RANBP2: variants seen among roughly 807,000 people sequenced by gnomAD.
RANBP2 encodes the protein RAN binding protein 2.
A neutral mutation model predicts 303.6 loss-of-function variants in RANBP2; 57 were observed. The observed-to-expected ratio is 0.19, with a 90% confidence interval of 0.15 to 0.23. RANBP2 has a LOEUF of 0.23. Ranked by LOEUF, RANBP2 falls within the 10% of genes least tolerant of loss-of-function variation. RANBP2 has a pLI of 1.00. For synonymous variants in RANBP2, 1,167 were observed against 1,301.5 expected, an observed-to-expected ratio of 0.90 and a Z score of 2.23; for missense variants, 3,138 against 3,780.8, an observed-to-expected ratio of 0.83 and a Z score of 4.46.
the RANBP2 span, among the ~76,000 whole-genome samples, chr2:109,373,661 G>A: frequency 6.6e-6 from 1 of 152,148 alleles, no homozygotes; most frequent in South Asian, 2.1e-4. Context: ...ACTGGAAGAG[G>A]TAAGGAGGTT....
chr2:109,729,463 A>G, the RANBP2 span, among the ~76,000 whole-genome samples: 334 of 152,282 alleles, frequency 2.2e-3, 9 homozygotes, highest in South Asian at 0.036. Flanking sequence ...CCTGGCCAAC[A>G]TGGCGAAACC....
At chr2:109,335,943 T>C in the RANBP2 span, among the ~76,000 whole-genome samples, 96 of 152,290 alleles carry the variant, frequency 6.3e-4, no homozygotes, top group Middle Eastern at 3.4e-3. Flanking sequence ...ACTTGGGGGC[T>C]GGGAGTGGGA....
the RANBP2 span, among the ~76,000 whole-genome samples, chr2:109,036,560 C>T: frequency 6.6e-6 from 1 of 152,132 alleles, no homozygotes; most frequent in Non-Finnish European, 1.5e-5. Flanking sequence ...ATGTAATTTA[C>T]TCTGTTAACC....
chr2:109,384,841 C>T, the RANBP2 span, among the ~76,000 whole-genome samples: 6 of 152,198 alleles, frequency 3.9e-5, no homozygotes, highest in East Asian at 1.9e-4. Context: ...AACTCCAACC[C>T]GATGGTTCCC....
chr2:109,676,830 G>A, the RANBP2 span, among the ~76,000 whole-genome samples: 1 of 152,206 alleles, frequency 6.6e-6, no homozygotes, highest in African/African-American at 2.4e-5. Context: ...CTTCTTGAGA[G>A]AGGGTAATGG....
the RANBP2 span, among the ~76,000 whole-genome samples, chr2:109,006,351 G>A: frequency 1.3e-5 from 2 of 151,890 alleles, no homozygotes; most frequent in Non-Finnish European, 2.9e-5. Context: ...TTGCCAACAC[G>A]CTTGGCTAAT....
the RANBP2 span, chr2:109,552,924 C>T: frequency 1.3e-6 from 1 of 754,770 alleles, no homozygotes; most frequent in Non-Finnish European, 2.1e-6. Context: ...TAATTTCAGG[C>T]TATGATTCTA....
chr2:109,581,424 G>A, the RANBP2 span, among the ~76,000 whole-genome samples: 11 of 150,690 alleles, frequency 7.3e-5, no homozygotes, highest in Admixed American at 7.3e-4. Flanking sequence ...GCGACAGAGT[G>A]AGACCCTGTC....
At chr2:108,757,090 C>T (rs925592990) in intron 17 of RANBP2, among the ~76,000 whole-genome samples, 1 of 152,102 alleles carries the variant, frequency 6.6e-6, no homozygotes, top group African/African-American at 2.4e-5. Context: ...TAGATCTGTC[C>T]CTGACCTCAC....
At chr2:109,057,721 G>T in the RANBP2 span, among the ~76,000 whole-genome samples, 9 of 152,196 alleles carry the variant, frequency 5.9e-5, no homozygotes, top group Admixed American at 2.0e-4. Flanking sequence ...AGGCTGAGGG[G>T]CCTGGCTCTG....
At chr2:109,263,521 G>GA in the RANBP2 span, among the ~76,000 whole-genome samples, 1 of 152,210 alleles carries the variant, frequency 6.6e-6, no homozygotes, top group African/African-American at 2.4e-5. Context: ...TGCATACATA[G>GA]AAAGATTGAT....
chr2:108,724,338 T>C (rs1484589869), intron 1 of RANBP2, among the ~76,000 whole-genome samples: 1 of 152,200 alleles, frequency 6.6e-6, no homozygotes, highest in Non-Finnish European at 1.5e-5. Flanking sequence ...ATTTTTTCTA[T>C]TTTTAGTAGA....
the RANBP2 span, among the ~76,000 whole-genome samples, chr2:109,000,084 T>C: frequency 1.8e-4 from 28 of 152,338 alleles, no homozygotes; most frequent in South Asian, 5.8e-3. Context: ...GCAACGTATC[T>C]GCAGGGCAAG....
chr2:108,807,781 C>G, the RANBP2 span, among the ~76,000 whole-genome samples: 1 of 152,076 alleles, frequency 6.6e-6, no homozygotes, highest in African/African-American at 2.4e-5. Context: ...CCACACCTGG[C>G]TAATTTTTGT....
At chr2:108,833,669 G>A in the RANBP2 span, among the ~76,000 whole-genome samples, 2 of 150,832 alleles carry the variant, frequency 1.3e-5, no homozygotes, top group East Asian at 1.9e-4. Context: ...AATAAGAAAC[G>A]AAACAAATTT....
At chr2:108,781,759 G>T (rs1678271542) in intron 26 of RANBP2, among the ~76,000 whole-genome samples, 1 of 152,062 alleles carries the variant, frequency 6.6e-6, no homozygotes, top group Non-Finnish European at 1.5e-5. Context: ...TGTTAACCTT[G>T]TATGTTTTTT....
chr2:109,060,015 C>T, the RANBP2 span, among the ~76,000 whole-genome samples: 4 of 152,078 alleles, frequency 2.6e-5, no homozygotes, highest in Non-Finnish European at 5.9e-5. Flanking sequence ...TCTAGAGTAC[C>T]CTCAGCTCAC....
the RANBP2 span, among the ~76,000 whole-genome samples, chr2:109,160,008 C>G: frequency 3.3e-5 from 5 of 152,148 alleles, no homozygotes; most frequent in African/African-American, 1.2e-4. Flanking sequence ...TGAATCATCC[C>G]AAAACCATCT....
At chr2:109,636,186 G>A in the RANBP2 span, among the ~76,000 whole-genome samples, 2 of 152,264 alleles carry the variant, frequency 1.3e-5, no homozygotes, top group Middle Eastern at 3.4e-3. Context: ...ATAAATGTCC[G>A]TTGTCTATAA....
Sources: gnomAD v4.1 joint callset for allele counts (sites outside exome capture counted in the v4.1 genomes callset) on GRCh38, gnomAD v4.1.1 for gene constraint, MANE v1.5 for transcripts, NCBI Gene and HGNC (gene_info 2026-07-23, HGNC 2026-07-21) for gene names.